ABCA4: variants seen among roughly 807,000 people sequenced by gnomAD.
ABCA4 encodes the protein ATP binding cassette subfamily A member 4.
A neutral mutation model predicts 263.7 loss-of-function variants in ABCA4; 196 were observed. That is an observed-to-expected ratio of 0.74 (90% confidence interval 0.66 to 0.84). The LOEUF (loss-of-function observed/expected upper bound fraction) is 0.84, where lower values mean the gene tolerates loss of function less well. Ranked by LOEUF, ABCA4 falls within the 40% of genes least tolerant of loss-of-function variation. The pLI, the probability that ABCA4 is intolerant of heterozygous loss-of-function variation, is 0.00. For synonymous variants in ABCA4, 1,133 were observed against 1,094.2 expected (o/e 1.04, Z -0.70); for missense variants, 2,792 against 2,855.1 (o/e 0.98, Z 0.50).
intron 4 of ABCA4, among the ~76,000 whole-genome samples, chr1:94,106,691 A>G (rs1662445656): frequency 6.6e-6 from 1 of 152,228 alleles, no homozygotes; most frequent in African/African-American, 2.4e-5. Flanking sequence ...GTTTGAAACA[A>G]TGAGAACGTA....
intron 11 of ABCA4, among the ~76,000 whole-genome samples, chr1:94,075,708 T>C (rs1324241787): frequency 6.6e-6 from 1 of 152,224 alleles, no homozygotes; most frequent in Non-Finnish European, 1.5e-5. Context: ...CAGAAGCCCC[T>C]ACCTTCCAAC....
rs1659536250 is a variant in ABCA4, at chr1:94,011,195, C to T, written c.5584+67G>A. ...CCCCTGCCACAGTCTGATGCAGGAG[C>T]CCCCCCGGTAACCCTCCCAGCTTTG... On this transcript the variant is annotated intron_variant, in intron 39 of 49. Coordinates refer to ENST00000370225, the MANE Select transcript of ABCA4 (RefSeq NM_000350.3). The T allele has an allele frequency of 3.0e-5, 48 of 1,608,854 alleles. No homozygotes were observed. In the South Asian group the frequency reaches 3.1e-4, roughly 10 times the overall value.
chr1:94,015,657 G>A lies in ABCA4; in HGVS notation c.5312+82C>T, dbSNP rs1247246460. On this transcript the variant is annotated intron_variant, in intron 37 of 49. Transcript: ENST00000370225. ...GGTGCTACCACCACAGGACAGCCCA[G>A]GTTTTCTGTCAGGAGATGATCCCCC... is the stretch of plus-strand genomic sequence containing the variant. 3.3e-6 allele frequency: 4 copies of A among 1,203,064 alleles called. No individual in the cohort carries two copies. The East Asian group carries it at 9.9e-5, about 30-fold the overall frequency. 74.5% of individuals were successfully genotyped at this position (1,203,064 alleles called of 1,614,324 possible). A position where few individuals can be genotyped will look rare whatever the true frequency, so the allele number is the denominator to read the frequency against.
At chr1:94,117,604 A>G (rs923507166) in intron 1 of ABCA4, among the ~76,000 whole-genome samples, 1 of 152,040 alleles carries the variant, frequency 6.6e-6, no homozygotes, top group African/African-American at 2.4e-5. Context: ...GCAGATGTAT[A>G]CTTGTCTTGT....
intron 19 of ABCA4, among the ~76,000 whole-genome samples, chr1:94,045,501 GC>G (rs1231231864): frequency 2.6e-5 from 4 of 152,134 alleles, no homozygotes; most frequent in African/African-American, 9.7e-5. Context: ...CATGTCAGCA[GC>G]CGATGAAGTA....
chr1:94,079,373 T>C lies in ABCA4; in HGVS notation c.1188A>G (p.Gly396=). 6.2e-7 allele frequency: 1 copy of C among 1,614,178 alleles called. No individual in the cohort carries two copies. The highest frequency in any genetic ancestry group is 8.5e-7 in the Non-Finnish European group (1 of 1,180,036). ...AWRAAKPLLM[G]KILYTPDSPA... ...GTGAATCAGGAGTGTACAGGATTTT[T>C]CCCATCAGCAAAGGCTTTGCCGCCC... Residue 396 remains glycine, a synonymous_variant, in exon 9 of 50, where the codon GGA becomes GGG. Coordinates refer to ENST00000370225, the MANE Select transcript of ABCA4 (RefSeq NM_000350.3).
Position 94,016,767 on chromosome 1 carries a change from C to T in ABCA4, c.5197-913G>A, listed in dbSNP as rs138797358. Among the ~76,000 whole-genome samples the T allele has an allele frequency of 6.6e-5, 10 of 152,248 alleles. No homozygotes were observed. In the East Asian group the frequency reaches 1.9e-3, roughly 29 times the overall value. On this transcript the variant is annotated intron_variant, in intron 36 of 49. Coordinates refer to ENST00000370225, the MANE Select transcript of ABCA4 (RefSeq NM_000350.3). ...GTGTACATCCATATCTTCCCTAGTT[C>T]TATCACTGAGAAGGCCTGGGACCAA...
At chr1:94,069,846 C>A (rs1661359504) in intron 11 of ABCA4, among the ~76,000 whole-genome samples, 1 of 152,114 alleles carries the variant, frequency 6.6e-6, no homozygotes, top group Admixed American at 6.5e-5. Context: ...AGTAAGGAAA[C>A]ACATGACGAC....
chr1:94,022,080 A>C (rs568694215), intron 32 of ABCA4, 129 bp from the exon 33 acceptor site: 1 of 777,674 alleles, frequency 1.3e-6, no homozygotes, highest in East Asian at 2.7e-5. Context: ...ACATGGCTCC[A>C]CTTTACAAAC....
At chr1:94,074,208 C>T (rs189766988) in intron 11 of ABCA4, among the ~76,000 whole-genome samples, 40 of 152,280 alleles carry the variant, frequency 2.6e-4, no homozygotes, top group Non-Finnish European at 5.0e-4. Flanking sequence ...AGAAATAGCA[C>T]CACACATCTA....
chr1:94,060,679 C>T lies in ABCA4; in HGVS notation c.2018G>A (p.Ser673Asn), dbSNP rs1052151674. 1.2e-6 allele frequency: 2 copies of T among 1,614,126 alleles called. No individual in the cohort carries two copies. Among genetic ancestry groups the T allele is most frequent in the Non-Finnish European group, 1.7e-6 (2 of 1,180,016 alleles). ...TCGCAACTCCTTCTCCAAGACGATG[C>T]TCTTCACAGTCATGGAGACAGAGTA... ...WIYSVSMTVK[S>N]IVLEKELRLK... The change falls in exon 14 of 50, where the codon AGC (serine) becomes AAC (asparagine). Residue 673 changes from serine (S) to asparagine (N), a missense_variant. Physicochemically the swap from Ser to Asn is conservative, Grantham distance 46. Coordinates refer to ENST00000370225, the MANE Select transcript of ABCA4 (RefSeq NM_000350.3).
intron 11 of ABCA4, 25 bp from the exon 12 acceptor site, chr1:94,063,342 G>C (rs1318448144): frequency 6.2e-6 from 10 of 1,608,724 alleles, no homozygotes; most frequent in Non-Finnish European, 8.5e-6. Context: ...AAAGTTGAGA[G>C]AGTGTGAGGA....
At chr1:94,025,235 T>C (rs1005022028) in intron 30 of ABCA4, among the ~76,000 whole-genome samples, 187 bp from the exon 31 acceptor site, 1 of 152,234 alleles carries the variant, frequency 6.6e-6, no homozygotes. Context: ...TGCCTCTTTT[T>C]TCGCCAATCC....
intron 11 of ABCA4, among the ~76,000 whole-genome samples, 191 bp from the exon 12 acceptor site, chr1:94,063,508 G>A (rs543193381): frequency 3.9e-5 from 6 of 152,322 alleles, no homozygotes; most frequent in South Asian, 2.1e-4. Flanking sequence ...ATGTAGGGGC[G>A]CCAGAGAGCT....
At chr1:94,036,978 T>A (rs1431533675) in intron 25 of ABCA4, among the ~76,000 whole-genome samples, 167 bp downstream of exon 25, 1 of 152,208 alleles carries the variant, frequency 6.6e-6, no homozygotes, top group Non-Finnish European at 1.5e-5. Flanking sequence ...ATAAAATTTG[T>A]ATGCATGCAG....
At chr1:94,088,897 G>A (rs4847196) in intron 6 of ABCA4, among the ~76,000 whole-genome samples, 40,053 of 152,144 alleles carry the variant, frequency 0.26, 5,647 homozygotes, top group East Asian at 0.5. Context: ...CAGGGAGGCT[G>A]CGCATAAGTA....
chr1:94,107,267 C>T (rs560073285), intron 4 of ABCA4, among the ~76,000 whole-genome samples: 1 of 152,166 alleles, frequency 6.6e-6, no homozygotes, highest in Non-Finnish European at 1.5e-5. Flanking sequence ...GCTTTCGTGG[C>T]CTCTGAGCCC....
At position 94,007,684 on chromosome 1, in the gene ABCA4, G is replaced by A. The variant is rs201545948; in HGVS notation, c.5955C>T (p.Leu1985=). 1.2e-6 allele frequency: 2 copies of A among 1,613,972 alleles called. No homozygotes were observed. The highest frequency in any genetic ancestry group is 1.3e-5 in the African/African-American group (1 of 74,898). ...CTGAGGTCACTGTGGTGTCCCCAGT[G>A]AGCATCTTGAATGTGGTTGTTTTGC... ...GAGKTTTFKM[L]TGDTTVTSGD... The change falls in exon 43 of 50, where the codon CTC becomes CTT. Residue 1985 remains leucine (L), a synonymous_variant. Transcript: ENST00000370225.
chr1:94,053,835 C>T (rs1201534530), intron 16 of ABCA4, among the ~76,000 whole-genome samples: 1 of 152,242 alleles, frequency 6.6e-6, no homozygotes, highest in Admixed American at 6.5e-5. Context: ...AGGATGCAAA[C>T]CCAGGCCTCC....
Sources: gnomAD v4.1 joint callset for allele counts (sites outside exome capture counted in the v4.1 genomes callset) on GRCh38, gnomAD v4.1.1 for gene constraint, MANE v1.5 for transcripts, NCBI Gene and HGNC (gene_info 2026-07-23, HGNC 2026-07-21) for gene names.